The following TACC1 variants were observed in gnomAD, a reference collection of about 807,000 sequenced individuals.
TACC1 encodes transforming acidic coiled-coil-containing protein 1.
In TACC1, 48 loss-of-function variants were observed where a neutral mutation model predicts 84.4. That is an observed-to-expected ratio of 0.57 (90% CI 0.45 to 0.72). The LOEUF is 0.72. Ranked by LOEUF, TACC1 falls within the 30% of genes least tolerant of loss-of-function variation. TACC1 has a pLI of 0.00. For synonymous variants in TACC1, 372 were observed against 376.3 expected (o/e 0.99, Z 0.13); for missense variants, 920 against 973.0 (o/e 0.95, Z 0.72).
At chr8:38,752,893 T>A (rs975518241) in intron 3 of TACC1, among the ~76,000 whole-genome samples, 2 of 152,074 alleles carry the variant, frequency 1.3e-5, no homozygotes, top group African/African-American at 4.8e-5. Flanking sequence ...AGCCCCAGAA[T>A]TGGCATTACG....
intron 1 of TACC1, among the ~76,000 whole-genome samples, chr8:38,735,568 C>T (rs139723974): frequency 2.6e-5 from 4 of 152,172 alleles, no homozygotes; most frequent in East Asian, 1.9e-4. Context: ...TGGTGGTGTC[C>T]GCTGACTGAA....
rs934170069 is a variant in TACC1 at position 38,829,826 on chromosome 8, T to G, written c.1661-1299T>G. ...GTTACATTGTAACTGATCAGCCGCA[T>G]CACAAGCAAGTGGAGGCTGCGGTCC... On this transcript the variant is annotated intron_variant, in intron 5 of 12. Coordinates refer to ENST00000317827, the MANE Select transcript of TACC1 (RefSeq NM_006283.3). 7.3e-4 allele frequency among the ~76,000 whole-genome samples: 111 copies of G among 152,326 alleles called. 2 individuals carry two copies. The highest frequency in any genetic ancestry group is 4.7e-4 in the Non-Finnish European group (32 of 68,028).
intron 2 of TACC1, among the ~76,000 whole-genome samples, chr8:38,806,966 G>A (rs13252677): frequency 0.091 from 13,885 of 152,086 alleles, 805 homozygotes; most frequent in East Asian, 0.25. Flanking sequence ...TCATACCCTC[G>A]CCCAGGTTTG....
chr8:38,840,363 A>G (rs747694998), intron 9 of TACC1, 96 bp downstream of exon 9: 1 of 1,125,824 alleles, frequency 8.9e-7, no homozygotes, highest in East Asian at 2.4e-5. Context: ...TAGGTAGCTT[A>G]TAAACAACAA....
intron 6 of TACC1, among the ~76,000 whole-genome samples, chr8:38,834,971 T>C (rs1829936683): frequency 6.6e-6 from 1 of 152,180 alleles, no homozygotes; most frequent in Non-Finnish European, 1.5e-5. Context: ...AGTTTACTTC[T>C]GGCCAGGCGC....
In TACC1 at chr8:38,760,052, T is replaced by A. The variant is rs1208339550; in HGVS notation, c.26+14559T>A. Among the ~76,000 whole-genome samples the A allele has an allele frequency of 3.9e-5, 6 of 152,024 alleles. No homozygotes were observed. The East Asian group carries it at 1.2e-3, about 29-fold the overall frequency. On this transcript the variant is annotated intron_variant, in intron 3 of 14. Transcript: ENST00000518415. ...TCTTTTTTTAAAAAAAAAAAATACA[T>A]GAAAGTCATATGAATAATACATCAA...
chr8:38,777,751 C>A (rs1427991817), intron 3 of TACC1, among the ~76,000 whole-genome samples: 2 of 152,196 alleles, frequency 1.3e-5, no homozygotes, highest in Non-Finnish European at 2.9e-5. Flanking sequence ...GATATGATTA[C>A]ACTACTGCAT....
intron 3 of TACC1, among the ~76,000 whole-genome samples, chr8:38,764,333 C>A (rs912880432): frequency 6.6e-6 from 1 of 151,728 alleles, no homozygotes; most frequent in Non-Finnish European, 1.5e-5. Context: ...CCTCCTCAGC[C>A]TCCCAAAGTG....
In TACC1 at chr8:38,825,366, C is replaced by T. The variant is rs199686968; in HGVS notation, c.1450C>T (p.Arg484Trp). Residue 484 changes from arginine to tryptophan, a missense_variant and splice_region_variant, in exon 4 of 13, where the codon CGG becomes TGG. Arg to Trp is a moderately radical substitution (Grantham distance 101). Around this residue, in one of 2 missense-constraint regions of TACC1, gnomAD observed 762 missense variants for 747.3 expected, o/e 1.02. Coordinates refer to ENST00000317827, the MANE Select transcript of TACC1 (RefSeq NM_006283.3). ...TQSLALDACS[R>W]DEGAVISQIS... ...GTCTCTCGCCCTGGATGCATGTTCT[C>T]GGGTGAGTCTGTGCCCATCTCCAGA... 1.4e-4 allele frequency: 222 copies of T among 1,613,970 alleles called. No homozygotes were observed. The highest frequency in any genetic ancestry group is 1.8e-4 in the Non-Finnish European group (211 of 1,179,996).
chr8:38,790,129 C>T (rs1818295264), intron 2 of TACC1, among the ~76,000 whole-genome samples: 1 of 152,194 alleles, frequency 6.6e-6, no homozygotes, highest in South Asian at 2.1e-4. Context: ...CCTCTTCTAG[C>T]CTCTGCTGGG....
chr8:38,836,367 G>GGA (rs1830235292), intron 7 of TACC1, 80 bp downstream of exon 7: 1 of 1,555,430 alleles, frequency 6.4e-7, no homozygotes, highest in Admixed American at 1.7e-5. Flanking sequence ...TTGCATCTCT[G>GGA]CTGGCTCAAG....
At chr8:38,804,360 G>A (rs538819536) in intron 2 of TACC1, among the ~76,000 whole-genome samples, 5 of 151,924 alleles carry the variant, frequency 3.3e-5, no homozygotes, top group African/African-American at 4.8e-5. Context: ...GTTCAGTGGC[G>A]CCATCTTGGC....
Position 38,850,586 on chromosome 8 carries a change from G to A in TACC1, c.*2563G>A, listed in dbSNP as rs1003682390. ...GCAGGAGGATCACTTGAGTCCAGGA[G>A]TTTGAAACCTACCTAGGCAACATGG... On this transcript the variant is annotated 3_prime_UTR_variant, in exon 13 of 13. Coordinates refer to ENST00000317827, the MANE Select transcript of TACC1 (RefSeq NM_006283.3). 1 of 152,094 alleles carries A rather than the reference G, an allele frequency of 6.6e-6. No individual in the cohort carries two copies. The highest frequency in any genetic ancestry group is 1.9e-4 in the East Asian group (1 of 5,166). The allele number at this position is 152,094 out of a possible 1,614,324, so 9.4% of individuals were successfully genotyped here.
chr8:38,764,978 A>G (rs776851911), intron 3 of TACC1, among the ~76,000 whole-genome samples: 6 of 152,096 alleles, frequency 3.9e-5, no homozygotes, highest in Non-Finnish European at 5.9e-5. Flanking sequence ...AGGAGCCTAT[A>G]ATCCCAGCTA....
chr8:38,813,783 A>T (rs1035115555), intron 2 of TACC1, among the ~76,000 whole-genome samples: 2 of 152,190 alleles, frequency 1.3e-5, no homozygotes, highest in African/African-American at 2.4e-5. Context: ...GTTAGGTGAC[A>T]TCAGTTGATC....
At chr8:38,768,660 A>AGT (rs80115733) in intron 3 of TACC1, among the ~76,000 whole-genome samples, 7,250 of 150,500 alleles carry the variant, frequency 0.048, 407 homozygotes, top group African/African-American at 0.14. Context: ...GTGCTTGAGG[A>AGT]GTGTGTGTGT....
At position 38,820,130 on chromosome 8, in the gene TACC1, G is replaced by A. The variant is rs369275671; in HGVS notation, c.886G>A (p.Gly296Ser). 1.4e-5 allele frequency: 23 copies of A among 1,613,952 alleles called. No individual in the cohort carries two copies. The highest frequency in any genetic ancestry group is 1.6e-4 in the Middle Eastern group (1 of 6,084). Residue 296 changes from glycine (G) to serine (S), a missense_variant, in exon 3 of 13, where the codon GGC (glycine) becomes AGC (serine). Gly to Ser is a moderately conservative substitution (Grantham distance 56). Coordinates refer to ENST00000317827, the MANE Select transcript of TACC1 (RefSeq NM_006283.3). ...KSPPDLKETP[G>S]TLSSDTNDSG... ...TCCCCCTGACCTTAAAGAAACTCCC[G>A]GCACTCTCAGTAGTGACACCAACGA...
intron 9 of TACC1, among the ~76,000 whole-genome samples, chr8:38,841,297 G>C (rs1013946509): frequency 1.3e-5 from 2 of 152,134 alleles, no homozygotes; most frequent in Non-Finnish European, 2.9e-5. Context: ...CTGCCTTCTT[G>C]TGCTTGGTAT....
At chr8:38,775,510 G>A (rs1563395673) in intron 3 of TACC1, among the ~76,000 whole-genome samples, 1 of 152,174 alleles carries the variant, frequency 6.6e-6, no homozygotes, top group Non-Finnish European at 1.5e-5. Flanking sequence ...TCCACATCTG[G>A]TGAAGGCTGA....
Sources: gnomAD v4.1 joint callset for allele counts (sites outside exome capture counted in the v4.1 genomes callset) on GRCh38, gnomAD v4.1.1 for gene constraint, gnomAD v4.1.1 regional missense constraint, MANE v1.5 for transcripts, NCBI Gene and HGNC (gene_info 2026-07-23, HGNC 2026-07-21) for gene names.